The following THRB variants were observed in gnomAD, a reference collection of about 807,000 sequenced individuals.
The protein encoded by THRB is thyroid hormone receptor beta.
A neutral mutation model predicts 47.8 loss-of-function variants in THRB; 12 were observed. That is an observed-to-expected ratio of 0.25 (90% CI 0.16 to 0.41). The LOEUF is 0.41. Among genes scored for constraint, THRB ranks in the 10% least tolerant of loss-of-function variants. The pLI is 1.00. For synonymous variants in THRB, 218 were observed against 212.2 expected, an observed-to-expected ratio of 1.03 and a Z score of -0.24; for missense variants, 348 against 589.2, an observed-to-expected ratio of 0.59 and a Z score of 4.24.
intron 1 of THRB, among the ~76,000 whole-genome samples, chr3:24,465,829 T>G (rs1201132540): frequency 6.6e-6 from 1 of 152,200 alleles, no homozygotes; most frequent in Non-Finnish European, 1.5e-5. Context: ...TAAACAGACT[T>G]TAAAAATTGG....
chr3:24,133,220 A>G, intron 9 of THRB, 96 bp downstream of exon 9: 1 of 1,389,822 alleles, frequency 7.2e-7, no homozygotes, highest in Non-Finnish European at 1.0e-6. Context: ...TTAAGTCCCT[A>G]CTAATTAACA....
chr3:24,333,937 C>CT (rs199629526), intron 2 of THRB, among the ~76,000 whole-genome samples: 2 of 152,188 alleles, frequency 1.3e-5, no homozygotes, highest in East Asian at 1.9e-4. Context: ...TCATCATTTC[C>CT]TTTTTCAAAA....
At chr3:24,203,580 C>T (rs549771832) in intron 4 of THRB, among the ~76,000 whole-genome samples, 77 of 152,242 alleles carry the variant, frequency 5.1e-4, no homozygotes, top group African/African-American at 1.8e-3. Context: ...CCAGCATGAG[C>T]GACGCAGAAG....
chr3:24,396,700 C>G (rs539375935), intron 1 of THRB, among the ~76,000 whole-genome samples: 1 of 152,218 alleles, frequency 6.6e-6, no homozygotes, highest in East Asian at 1.9e-4. Context: ...TCTTTGAAAT[C>G]TTTGTAAAGC....
At chr3:24,165,206 T>C (rs1431184824) in intron 5 of THRB, 3 of 764,960 alleles carry the variant, frequency 3.9e-6, no homozygotes, top group African/African-American at 3.4e-5. Flanking sequence ...CTGTTCCATA[T>C]ATATGTTGTT....
chr3:24,138,394 A>G (rs1329865376), intron 8 of THRB, among the ~76,000 whole-genome samples: 1 of 151,682 alleles, frequency 6.6e-6, no homozygotes, highest in African/African-American at 2.4e-5. Context: ...AGATGGTGGC[A>G]GTGCGGGGTG....
At chr3:24,293,428 G>A (rs955242482) in intron 3 of THRB, among the ~76,000 whole-genome samples, 1 of 152,126 alleles carries the variant, frequency 6.6e-6, no homozygotes, top group African/African-American at 2.4e-5. Flanking sequence ...ATGGTAATCT[G>A]TCATTTTATT....
At chr3:24,495,425 CCCCGAG>C (rs1368092379), upstream of THRB, 52 of 153,472 alleles carry the variant, frequency 3.4e-4, 1 homozygote. Flanking sequence ...CCGACCCCGA[CCCCGAG>C]TCCTACGCAC....
intron 3 of THRB, among the ~76,000 whole-genome samples, chr3:24,266,191 C>T (rs1433459177): frequency 1.3e-5 from 2 of 152,126 alleles, no homozygotes; most frequent in Non-Finnish European, 2.9e-5. Flanking sequence ...CCTCTTTTAA[C>T]ACTTAATGAA....
chr3:24,208,239 G>A (rs2045617226), intron 4 of THRB, among the ~76,000 whole-genome samples: 1 of 151,906 alleles, frequency 6.6e-6, no homozygotes, highest in Admixed American at 6.6e-5. Context: ...CTCATGGGTA[G>A]GAAGAATCAA....
intron 1 of THRB, among the ~76,000 whole-genome samples, chr3:24,414,100 C>G (rs2068551532): frequency 6.6e-6 from 1 of 151,806 alleles, no homozygotes; most frequent in Non-Finnish European, 1.5e-5. Flanking sequence ...CAAATGGAAA[C>G]AGTGCATTCC....
intron 1 of THRB, among the ~76,000 whole-genome samples, chr3:24,361,879 G>T (rs563297384): frequency 3.3e-5 from 5 of 152,048 alleles, no homozygotes; most frequent in African/African-American, 4.8e-5. Flanking sequence ...TAACTTATGG[G>T]CAGATGATAG....
chr3:24,204,167 G>A (rs1238775180), intron 4 of THRB, among the ~76,000 whole-genome samples: 1 of 152,252 alleles, frequency 6.6e-6, no homozygotes, highest in Non-Finnish European at 1.5e-5. Flanking sequence ...GGTTCTCCAA[G>A]CATGGAGTTT....
At chr3:24,471,790 CATATCTCCA>C (rs1560271889) in intron 1 of THRB, among the ~76,000 whole-genome samples, 1 of 152,180 alleles carries the variant, frequency 6.6e-6, no homozygotes, top group African/African-American at 2.4e-5. Context: ...TATCAGCCTG[CATATCTCCA>C]TTTTATCCAA....
chr3:24,384,733 T>C (rs1205042283), intron 1 of THRB, among the ~76,000 whole-genome samples: 1 of 152,186 alleles, frequency 6.6e-6, no homozygotes, highest in African/African-American at 2.4e-5. Flanking sequence ...CTTAGTACTG[T>C]AGCACACTCC....
At chr3:24,376,562 G>T (rs2065306012) in intron 1 of THRB, among the ~76,000 whole-genome samples, 1 of 152,082 alleles carries the variant, frequency 6.6e-6, no homozygotes, top group African/African-American at 2.4e-5. Context: ...GTGTTTGAGG[G>T]CTACAAAAGG....
At chr3:24,402,968 T>C (rs1209583141) in intron 1 of THRB, among the ~76,000 whole-genome samples, 15 of 152,012 alleles carry the variant, frequency 9.9e-5, no homozygotes, top group Admixed American at 9.8e-4. Flanking sequence ...TTTAAAGAAA[T>C]ATTTAAAATA....
chr3:24,356,080 G>A (rs1344305436), intron 1 of THRB, among the ~76,000 whole-genome samples: 2 of 152,126 alleles, frequency 1.3e-5, no homozygotes, highest in Non-Finnish European at 2.9e-5. Flanking sequence ...AAATTCAATG[G>A]TGAGAAAGAC....
At chr3:24,204,768 G>A (rs1345226554) in intron 4 of THRB, among the ~76,000 whole-genome samples, 7 of 152,140 alleles carry the variant, frequency 4.6e-5, no homozygotes, top group South Asian at 2.1e-4. Context: ...AAGATTAGAC[G>A]AATGGCTAAC....
Sources: gnomAD v4.1 joint callset for allele counts (sites outside exome capture counted in the v4.1 genomes callset) on GRCh38, gnomAD v4.1.1 for gene constraint, MANE v1.5 for transcripts, NCBI Gene and HGNC (gene_info 2026-07-23, HGNC 2026-07-21) for gene names.